CDH12: variants seen among roughly 807,000 people sequenced by gnomAD.
The protein encoded by CDH12 is cadherin 12, also known as cadherin-12.
In CDH12, 41 loss-of-function variants were observed where a neutral mutation model predicts 74.1. The observed-to-expected ratio is 0.55, with a 90% CI of 0.43 to 0.72. The LOEUF (loss-of-function observed/expected upper bound fraction) is 0.72, where lower values mean the gene tolerates loss of function less well. Ranked by LOEUF, CDH12 falls within the 30% of genes least tolerant of loss-of-function variation. The pLI, the probability that CDH12 is intolerant of heterozygous loss-of-function variation, is 0.00. For synonymous variants in CDH12, 399 were observed against 355.0 expected (o/e 1.12, Z -1.39); for missense variants, 945 against 977.2 (o/e 0.97, Z 0.44).
intron 1 of CDH12, among the ~76,000 whole-genome samples, chr5:22,622,325 T>C (rs1208104280): frequency 6.6e-6 from 1 of 151,812 alleles, no homozygotes; most frequent in Middle Eastern, 3.2e-3. Flanking sequence ...AAGATTGGCA[T>C]GTCTTCAGAG....
At chr5:22,007,288 T>C (rs1020410881) in intron 5 of CDH12, among the ~76,000 whole-genome samples, 73 of 152,176 alleles carry the variant, frequency 4.8e-4, no homozygotes, top group African/African-American at 1.7e-3. Flanking sequence ...TAGCAATGTA[T>C]TGTATAGAGT....
chr5:22,334,690 A>C (rs2150448405), intron 3 of CDH12, among the ~76,000 whole-genome samples: 1 of 152,298 alleles, frequency 6.6e-6, no homozygotes, highest in South Asian at 2.1e-4. Flanking sequence ...CCCAGAAATA[A>C]ATCCACAAAT....
At chr5:22,477,133 A>C (rs1045676742) in intron 2 of CDH12, among the ~76,000 whole-genome samples, 1 of 152,238 alleles carries the variant, frequency 6.6e-6, no homozygotes, top group African/African-American at 2.4e-5. Context: ...GGTTTGTTAC[A>C]TAGGTAAACT....
intron 1 of CDH12, among the ~76,000 whole-genome samples, chr5:22,594,664 C>G (rs1736511877): frequency 6.6e-6 from 1 of 152,124 alleles, no homozygotes; most frequent in South Asian, 2.1e-4. Context: ...CAAGAAGTAG[C>G]TGAAATGAGC....
chr5:21,883,973 A>G, intron 6 of CDH12: 1 of 1,600,124 alleles, frequency 6.2e-7, no homozygotes, highest in Non-Finnish European at 8.6e-7. Context: ...ATGAAGATCA[A>G]AAAATTGGTA....
intron 5 of CDH12, among the ~76,000 whole-genome samples, chr5:22,059,506 A>C (rs1237576357): frequency 1.3e-5 from 2 of 152,158 alleles, no homozygotes; most frequent in Admixed American, 6.6e-5. Context: ...ACAACACAAG[A>C]AAATTCCATT....
At chr5:21,802,710 G>GC (rs1184642373) in intron 9 of CDH12, among the ~76,000 whole-genome samples, 2 of 148,700 alleles carry the variant, frequency 1.3e-5, no homozygotes, top group Non-Finnish European at 3.0e-5. Context: ...TCCTGCCTCA[G>GC]CTTCCGGAGG....
At chr5:21,766,311 A>G (rs2149877737) in intron 11 of CDH12, among the ~76,000 whole-genome samples, 1 of 152,140 alleles carries the variant, frequency 6.6e-6, no homozygotes, top group South Asian at 2.1e-4. Flanking sequence ...AGATAACATA[A>G]ATTGCGTATA....
chr5:22,076,435 G>A (rs1281550318), intron 5 of CDH12, among the ~76,000 whole-genome samples: 1 of 151,926 alleles, frequency 6.6e-6, no homozygotes, highest in Non-Finnish European at 1.5e-5. Context: ...CTCCAATTCT[G>A]GAAATTGAGG....
At chr5:22,287,642 G>A (rs1215170081) in intron 3 of CDH12, among the ~76,000 whole-genome samples, 1 of 149,478 alleles carries the variant, frequency 6.7e-6, no homozygotes, top group Non-Finnish European at 1.5e-5. Flanking sequence ...AGAATGGCGT[G>A]AACCTGGGAG....
intron 3 of CDH12, among the ~76,000 whole-genome samples, chr5:22,246,622 G>T (rs1039252441): frequency 1.3e-5 from 2 of 152,070 alleles, no homozygotes; most frequent in African/African-American, 2.4e-5. Flanking sequence ...TCAACATTTA[G>T]TTCTTATTTA....
intron 1 of CDH12, among the ~76,000 whole-genome samples, chr5:22,639,404 C>T (rs910100130): frequency 1.4e-5 from 2 of 146,268 alleles, no homozygotes; most frequent in East Asian, 2.0e-4. Context: ...TTAAATCTTT[C>T]TGGGATGATA....
chr5:22,490,233 C>T (rs1020733152), intron 2 of CDH12, among the ~76,000 whole-genome samples: 3 of 152,058 alleles, frequency 2.0e-5, no homozygotes, highest in African/African-American at 7.2e-5. Context: ...ACAGGAAAAA[C>T]ACAACTAATT....
chr5:22,024,488 ATTTAC>A (rs1280501714), intron 5 of CDH12, among the ~76,000 whole-genome samples: 1 of 152,048 alleles, frequency 6.6e-6, no homozygotes, highest in Non-Finnish European at 1.5e-5. Flanking sequence ...ATAAAGGTAA[ATTTAC>A]TTTATTTATC....
chr5:22,707,182 A>G (rs1164465200), intron 1 of CDH12, among the ~76,000 whole-genome samples: 3 of 152,180 alleles, frequency 2.0e-5, no homozygotes, highest in African/African-American at 7.2e-5. Context: ...CTAAATATGC[A>G]TAAATCCCTT....
In CDH12 at chr5:22,010,403, T is replaced by G. The variant is rs567089194; in HGVS notation, c.232-35018A>C. ...CCCCCCATCTATTTAACCACCTATA[T>G]TACATGTGTCCCTGATGTAACCTGA... On this transcript the variant is annotated intron_variant, in intron 5 of 14. Coordinates refer to ENST00000382254, the MANE Select transcript of CDH12 (RefSeq NM_004061.5). Among the ~76,000 whole-genome samples the G allele has an allele frequency of 5.3e-5, 8 of 152,314 alleles. No homozygotes were observed. In the South Asian group the frequency reaches 1.7e-3, roughly 32 times the overall value.
At chr5:22,590,363 A>G (rs1402552223) in intron 1 of CDH12, among the ~76,000 whole-genome samples, 2 of 152,186 alleles carry the variant, frequency 1.3e-5, no homozygotes, top group African/African-American at 2.4e-5. Context: ...TATGAATTAT[A>G]CAATGACACA....
At chr5:22,064,969 G>A (rs1741458705) in intron 5 of CDH12, among the ~76,000 whole-genome samples, 1 of 152,144 alleles carries the variant, frequency 6.6e-6, no homozygotes, top group Admixed American at 6.5e-5. Context: ...TAAAGAAATG[G>A]CACTTGGAAA....
At chr5:22,638,768 C>T (rs550041257) in intron 1 of CDH12, 3 of 152,160 alleles carry the variant, frequency 2.0e-5, no homozygotes, top group South Asian at 2.1e-4. Context: ...CAGGAGTGGT[C>T]GTCAGGTAAG....
Sources: gnomAD v4.1 joint callset for allele counts (sites outside exome capture counted in the v4.1 genomes callset) on GRCh38, gnomAD v4.1.1 for gene constraint, MANE v1.5 for transcripts, NCBI Gene and HGNC (gene_info 2026-07-23, HGNC 2026-07-21) for gene names.